The following DOCK7 variants were observed in gnomAD, a reference collection of about 807,000 sequenced individuals.
The protein encoded by DOCK7 is dedicator of cytokinesis 7.
Under a neutral mutation model 271.0 loss-of-function variants are expected in DOCK7, and 138 were observed. The observed-to-expected ratio is 0.51, with a 90% CI of 0.44 to 0.59. DOCK7 has a LOEUF of 0.59. Ranked by LOEUF, DOCK7 falls within the 20% of genes least tolerant of loss-of-function variation. The pLI is 0.00. For synonymous variants in DOCK7, 823 were observed against 876.1 expected, an observed-to-expected ratio of 0.94 and a Z score of 1.07; for missense variants, 2,066 against 2,592.4, an observed-to-expected ratio of 0.80 and a Z score of 4.41.
chr1:62,620,508 C>A (rs1047375522), intron 12 of DOCK7, among the ~76,000 whole-genome samples: 2 of 151,860 alleles, frequency 1.3e-5, no homozygotes, highest in African/African-American at 4.8e-5. Context: ...TTTAATAATA[C>A]CACTGTCTTT....
At chr1:62,619,870 C>T (rs777424521) in intron 13 of DOCK7, 30 bp downstream of exon 13, 2 of 1,435,562 alleles carry the variant, frequency 1.4e-6, no homozygotes, top group Non-Finnish European at 1.9e-6. Context: ...ATAATAGTTG[C>T]AACCATTTCT....
intron 48 of DOCK7, among the ~76,000 whole-genome samples, chr1:62,469,803 T>C (rs1333701529): frequency 2.0e-5 from 3 of 150,980 alleles, no homozygotes; most frequent in Non-Finnish European, 4.4e-5. Context: ...GGCCAACATA[T>C]GAAAAAATGC....
chr1:62,640,932 T>TA (rs1459062216), intron 7 of DOCK7, among the ~76,000 whole-genome samples: 1 of 152,198 alleles, frequency 6.6e-6, no homozygotes, highest in East Asian at 1.9e-4. Flanking sequence ...GCACAATTCT[T>TA]AGAGTGGCTT....
At chr1:62,481,667 T>C (rs894361629) in intron 43 of DOCK7, 3 of 152,244 alleles carry the variant, frequency 2.0e-5, no homozygotes, top group Non-Finnish European at 4.4e-5. Context: ...TTATTCTTCC[T>C]TAGCGATTCT....
intron 18 of DOCK7, among the ~76,000 whole-genome samples, chr1:62,571,637 G>T (rs945443336): frequency 5.3e-5 from 8 of 152,094 alleles, no homozygotes; most frequent in African/African-American, 1.9e-4. Context: ...CAATAGCAAA[G>T]ACATTGAATC....
intron 48 of DOCK7, among the ~76,000 whole-genome samples, chr1:62,464,105 T>C (rs1645607305): frequency 6.6e-6 from 1 of 151,998 alleles, no homozygotes; most frequent in Admixed American, 6.6e-5. Context: ...TGTCACCCAG[T>C]CTGGAGCACA....
intron 48 of DOCK7, among the ~76,000 whole-genome samples, chr1:62,465,301 A>C (rs561914369): frequency 7.6e-4 from 115 of 152,224 alleles, no homozygotes; most frequent in Admixed American, 2.6e-3. Flanking sequence ...TGCAACCATA[A>C]ACTTTGAATA....
At chr1:62,516,214 C>T (rs573146273) in intron 31 of DOCK7, among the ~76,000 whole-genome samples, 1 of 152,246 alleles carries the variant, frequency 6.6e-6, no homozygotes, top group South Asian at 2.1e-4. Context: ...AAAAGATGGT[C>T]ACATTTGCCT....
chr1:62,514,659 A>G (rs902150755), intron 31 of DOCK7, among the ~76,000 whole-genome samples: 4 of 152,086 alleles, frequency 2.6e-5, no homozygotes, highest in African/African-American at 7.2e-5. Flanking sequence ...TAATAATAAT[A>G]ATGATGATGG....
intron 48 of DOCK7, among the ~76,000 whole-genome samples, chr1:62,467,777 C>A (rs1645719882): frequency 6.6e-6 from 1 of 152,102 alleles, no homozygotes; most frequent in South Asian, 2.1e-4. Context: ...CACCCTACTA[C>A]CAAAACCAGG....
At chr1:62,640,766 T>TA (rs979607211) in intron 7 of DOCK7, among the ~76,000 whole-genome samples, 1 of 152,156 alleles carries the variant, frequency 6.6e-6, no homozygotes, top group African/African-American at 2.4e-5. Context: ...GGTGGGAAGT[T>TA]AAAACAGATG....
chr1:62,634,691 T>G (rs1655038521), intron 9 of DOCK7, 82 bp downstream of exon 9: 1 of 1,376,448 alleles, frequency 7.3e-7, no homozygotes, highest in African/African-American at 1.5e-5. Context: ...GGTCAAATCT[T>G]TGCCCTTGAA....
intron 15 of DOCK7, chr1:62,584,390 A>G: frequency 1.0e-6 from 1 of 988,148 alleles, no homozygotes; most frequent in South Asian, 4.7e-5. Context: ...TTATCTTAGG[A>G]CCCATTTAAA....
chr1:62,522,085 T>C (rs1344261169), intron 31 of DOCK7, among the ~76,000 whole-genome samples: 1 of 151,982 alleles, frequency 6.6e-6, no homozygotes, highest in Non-Finnish European at 1.5e-5. Context: ...ATTTTAAAAC[T>C]TGAAAAAGAA....
intron 1 of DOCK7, among the ~76,000 whole-genome samples, chr1:62,684,914 G>C (rs571681668): frequency 1.3e-5 from 2 of 152,090 alleles, no homozygotes; most frequent in South Asian, 4.1e-4. Flanking sequence ...AAATAACTGC[G>C]ACAGAAACAA....
Position 62,508,074 on chromosome 1 carries a change from G to T in DOCK7, c.4380-16C>A, listed in dbSNP as rs534283414. The T allele has an allele frequency of 4.5e-5, 71 of 1,575,180 alleles. No individual in the cohort carries two copies. In the South Asian group the frequency reaches 7.9e-4, roughly 17 times the overall value. On this transcript the variant is annotated splice_polypyrimidine_tract_variant and intron_variant, in intron 34 of 49. Coordinates refer to ENST00000635253, the MANE Select transcript of DOCK7 (RefSeq NM_001367561.1). ...TGCTCTTGATCTAATACAAAATATT[G>T]TAAGAAATTATATTTATCTTTTTGA...
intron 1 of DOCK7, among the ~76,000 whole-genome samples, chr1:62,679,520 T>G (rs1350292602): frequency 6.6e-6 from 1 of 151,974 alleles, no homozygotes; most frequent in Non-Finnish European, 1.5e-5. Context: ...AAGAAGAAAT[T>G]CAAATCATCA....
intron 18 of DOCK7, among the ~76,000 whole-genome samples, chr1:62,572,970 G>C (rs547538257): frequency 2.4e-4 from 36 of 152,214 alleles, no homozygotes; most frequent in African/African-American, 8.7e-4. Flanking sequence ...CCTCTTCTGA[G>C]AGCTAACTTT....
rs1034304632 is a variant in DOCK7, at chr1:62,578,861, T to C, written c.1977A>G (p.Gln659=). The C allele has an allele frequency of 6.2e-7, 1 of 1,607,798 alleles. No individual in the cohort carries two copies. The highest frequency in any genetic ancestry group is 8.5e-7 in the Non-Finnish European group (1 of 1,178,046). ...TFYHVSCQQK[Q]NTPLETPVGY... is the part of the protein sequence containing the mutation. ...CAACTGGTGTTTCAAGAGGAGTATT[T>C]TGTTTTTGTTGACAACTAACATGAT... The change falls in exon 17 of 50, where the codon CAA becomes CAG. Residue 659 remains glutamine (Q), a synonymous_variant. Transcript: ENST00000635253.
Sources: allele counts gnomAD v4.1 joint callset (sites outside exome capture counted in the v4.1 genomes callset), GRCh38; gene constraint gnomAD v4.1.1; transcripts MANE v1.5; gene names NCBI Gene and HGNC (gene_info 2026-07-23, HGNC 2026-07-21).